Variants in P3H2 observed in about 807,000 individuals in gnomAD.
P3H2 encodes the protein leprecan-like 1.
Under a neutral mutation model 87.0 loss-of-function variants are expected in P3H2, and 80 were observed. That is an observed-to-expected ratio of 0.92 (90% CI 0.77 to 1.11). The LOEUF (loss-of-function observed/expected upper bound fraction) is 1.11. P3H2 is among the 50% of genes least tolerant of loss of function. The probability of loss-of-function intolerance (pLI) is 0.00; values close to 1 mark genes in which losing one functional copy is unlikely to be tolerated. For missense variants in P3H2, 1,001 were observed against 923.9 expected (o/e 1.08, Z -1.08); for synonymous variants, 367 against 359.3 (o/e 1.02, Z -0.24).
chr3:190,077,388 T>C (rs1242580054), intron 1 of P3H2, among the ~76,000 whole-genome samples: 1 of 152,178 alleles, frequency 6.6e-6, no homozygotes, highest in East Asian at 1.9e-4. Flanking sequence ...TCAGTTGAAA[T>C]TGAACTTATT....
chr3:190,112,383 A>C (rs1712103107), intron 1 of P3H2, among the ~76,000 whole-genome samples: 2 of 152,250 alleles, frequency 1.3e-5, no homozygotes, highest in Admixed American at 6.5e-5. Context: ...ACCCATACCC[A>C]GGTCTTGCAC....
At position 189,984,585 on chromosome 3, in the gene P3H2, A is replaced by G. The variant is rs141462471; in HGVS notation, c.1194T>C (p.Tyr398=). The change falls in exon 7 of 15, where the codon TAT becomes TAC. Residue 398 remains tyrosine (Y), a synonymous_variant. Transcript: ENST00000319332. ...GLGFSYTEPN[Y]WIRYGGRQDE... is the part of the protein sequence containing the mutation. The stretch of plus-strand genomic sequence containing the variant: ...CCTGTCGTCCTCCATATCTGATCCA[A>G]TAATTCTGTTTTGAATCGAGTAAAA... The G allele has an allele frequency of 1.1e-5, 18 of 1,596,970 alleles. No individual in the cohort carries two copies. The African/African-American group carries it at 2.3e-4, about 20-fold the overall frequency.
intron 1 of P3H2, among the ~76,000 whole-genome samples, chr3:190,119,190 A>AGGAGG: frequency 9.5e-6 from 1 of 105,166 alleles, no homozygotes; most frequent in Non-Finnish European, 1.9e-5. Flanking sequence ...AGGAGAGGAG[A>AGGAGG]GGAGGGGAGA....
intron 1 of P3H2, among the ~76,000 whole-genome samples, chr3:190,087,327 G>A (rs1001749153): frequency 6.6e-6 from 1 of 151,938 alleles, no homozygotes; most frequent in Admixed American, 6.6e-5. Context: ...ACAAGGTCAG[G>A]AGATCGAGAC....
At chr3:189,970,191 A>AATATATATATATTTATATATATAT (rs1723131017) in intron 13 of P3H2, among the ~76,000 whole-genome samples, 1 of 53,980 alleles carries the variant, frequency 1.9e-5, no homozygotes, top group African/African-American at 7.5e-5. Flanking sequence ...TATATATGCA[A>AATATATATATATTTATATATATAT]ATATATATAT....
chr3:190,049,038 AG>A (rs1318020182), intron 1 of P3H2, among the ~76,000 whole-genome samples: 2 of 152,216 alleles, frequency 1.3e-5, no homozygotes, highest in African/African-American at 4.8e-5. Context: ...GACGTGAGTA[AG>A]GGCACGTCCG....
At chr3:190,012,540 A>C (rs1724627358) in intron 1 of P3H2, among the ~76,000 whole-genome samples, 1 of 152,080 alleles carries the variant, frequency 6.6e-6, no homozygotes, top group East Asian at 1.9e-4. Flanking sequence ...GTCCTGATGA[A>C]TTTTGTCTCA....
At chr3:189,970,643 T>C (rs1026821270) in intron 13 of P3H2, among the ~76,000 whole-genome samples, 173 bp downstream of exon 13, 1 of 152,172 alleles carries the variant, frequency 6.6e-6, no homozygotes, top group Non-Finnish European at 1.5e-5. Flanking sequence ...ACGTACTAGA[T>C]TTTTATGGAT....
At chr3:190,121,022 G>T, upstream of P3H2, 1 of 452,794 alleles carries the variant, frequency 2.2e-6, no homozygotes, top group Non-Finnish European at 3.8e-6. Context: ...TGCCAGGGGC[G>T]GCACACTCCA....
Position 190,099,810 on chromosome 3 carries a change from T to C in P3H2, c.480+20442A>G, listed in dbSNP as rs569785300. ...ATGTTAACCACTGGTTTACACCATT[T>C]CAGAGCGGAGTCTGCAGAACTGTGT... is the stretch of plus-strand genomic sequence containing the variant. On this transcript the variant is annotated intron_variant, in intron 1 of 14. Coordinates refer to ENST00000319332, the MANE Select transcript of P3H2 (RefSeq NM_018192.4). 2.0e-5 allele frequency among the ~76,000 whole-genome samples: 3 copies of C among 152,376 alleles called. No homozygotes were observed. In the South Asian group the frequency reaches 6.2e-4, roughly 32 times the overall value.
rs906608264 is a variant in P3H2 at position 189,956,831 on chromosome 3, T to C, written c.*1081A>G. 5 of 311,336 alleles carry C rather than the reference T, an allele frequency of 1.6e-5. No individual in the cohort carries two copies. The highest frequency in any genetic ancestry group is 1.1e-4 in the African/African-American group (5 of 46,710). 19.3% of individuals were successfully genotyped at this position (311,336 alleles called of 1,614,324 possible). ...CCCCCAAAATATAAGCAGATGACGG[T>C]TAAAATCAATCAGAAATTTATTTTT... On this transcript the variant is annotated 3_prime_UTR_variant, in exon 15 of 15. Coordinates refer to ENST00000319332, the MANE Select transcript of P3H2 (RefSeq NM_018192.4).
chr3:190,120,909 C>T (rs971917848), upstream of P3H2: 7 of 1,003,284 alleles, frequency 7.0e-6, no homozygotes, highest in Non-Finnish European at 9.6e-6. Flanking sequence ...GAGGCCGTGC[C>T]TGGCCAGCCG....
intron 8 of P3H2, among the ~76,000 whole-genome samples, chr3:189,982,265 C>T (rs1488288868): frequency 6.6e-6 from 1 of 152,124 alleles, no homozygotes; most frequent in Non-Finnish European, 1.5e-5. Flanking sequence ...ACATGAGATG[C>T]TGTTAGTATT....
chr3:190,048,094 G>A (rs1215460212), intron 1 of P3H2, among the ~76,000 whole-genome samples: 1 of 152,144 alleles, frequency 6.6e-6, no homozygotes, highest in African/African-American at 2.4e-5. Flanking sequence ...CAGAAGAGGA[G>A]CAGTTTCACC....
intron 6 of P3H2, 126 bp downstream of exon 6, chr3:189,986,662 A>C (rs1221606797): frequency 1.4e-6 from 1 of 719,694 alleles, no homozygotes; most frequent in African/African-American, 1.8e-5. Context: ...CCCAATTTTT[A>C]CCTCAAGGAG....
At chr3:190,061,961 G>A (rs557543655) in intron 1 of P3H2, among the ~76,000 whole-genome samples, 6 of 152,198 alleles carry the variant, frequency 3.9e-5, no homozygotes, top group African/African-American at 1.4e-4. Context: ...TATATAAAAT[G>A]CCTGGCATAT....
chr3:190,056,716 T>G (rs188486208), intron 1 of P3H2, among the ~76,000 whole-genome samples: 2 of 152,308 alleles, frequency 1.3e-5, no homozygotes, highest in East Asian at 3.9e-4. Context: ...TGATGGAGAC[T>G]TTTTCTCAGC....
At chr3:190,103,711 A>G (rs1711722500) in intron 1 of P3H2, among the ~76,000 whole-genome samples, 2 of 152,166 alleles carry the variant, frequency 1.3e-5, no homozygotes, top group Non-Finnish European at 2.9e-5. Flanking sequence ...CTATAGCACA[A>G]TCCGGTTCAC....
Position 190,101,412 on chromosome 3 carries a change from A to G in P3H2, c.480+18840T>C, listed in dbSNP as rs552573647. On this transcript the variant is annotated intron_variant, in intron 1 of 14. Transcript: ENST00000319332. ...AAAAAAAAGCGATTGAAGGAAATTA[A>G]AAGTGCTACTACAGTGAACACATGG... is the stretch of plus-strand genomic sequence containing the variant. 5.3e-5 allele frequency among the ~76,000 whole-genome samples: 8 copies of G among 151,634 alleles called. No homozygotes were observed. In the South Asian group the frequency reaches 1.7e-3, roughly 32 times the overall value.
Sources: gnomAD v4.1 joint callset for allele counts (sites outside exome capture counted in the v4.1 genomes callset) on GRCh38, gnomAD v4.1.1 for gene constraint, MANE v1.5 for transcripts, NCBI Gene and HGNC (gene_info 2026-07-23, HGNC 2026-07-21) for gene names.